RGS7: variants seen among roughly 807,000 people sequenced by gnomAD.
The protein encoded by RGS7 is regulator of G-protein signaling 7.
RGS7 carries 27 observed loss-of-function variants against 81.1 expected under a neutral mutation model. That is an observed-to-expected ratio of 0.33 (90% CI 0.25 to 0.46). The LOEUF (loss-of-function observed/expected upper bound fraction) is 0.46, where lower values mean the gene tolerates loss of function less well. Among genes scored for constraint, RGS7 ranks in the 20% least tolerant of loss-of-function variants. RGS7 has a pLI of 1.00. For missense variants in RGS7, 396 were observed against 607.4 expected (o/e 0.65, Z 3.66); for synonymous variants, 208 against 207.7 (o/e 1.00, Z -0.01).
intron 2 of RGS7, among the ~76,000 whole-genome samples, chr1:241,247,458 CG>C (rs2076603649): frequency 6.6e-6 from 1 of 152,036 alleles, no homozygotes; most frequent in South Asian, 2.1e-4. Context: ...AAGGTGGAGA[CG>C]AGAGACTGAG....
At chr1:240,788,594 A>T (rs914054623) in intron 18 of RGS7, among the ~76,000 whole-genome samples, 1 of 152,252 alleles carries the variant, frequency 6.6e-6, no homozygotes. Flanking sequence ...CTGTGTTATC[A>T]TGAGCACTCC....
intron 2 of RGS7, among the ~76,000 whole-genome samples, chr1:241,311,995 G>A (rs77403074): frequency 0.045 from 6,803 of 152,240 alleles, 350 homozygotes; most frequent in African/African-American, 0.13. Context: ...AATGACTTCA[G>A]ACATGAATTT....
chr1:241,190,803 C>T (rs192200225), intron 2 of RGS7, among the ~76,000 whole-genome samples: 2 of 152,088 alleles, frequency 1.3e-5, no homozygotes, highest in Admixed American at 1.3e-4. Flanking sequence ...ATGCCTTCCC[C>T]CAGCCCCATC....
At chr1:240,996,157 T>C (rs1173154480) in intron 3 of RGS7, among the ~76,000 whole-genome samples, 2 of 152,202 alleles carry the variant, frequency 1.3e-5, no homozygotes, top group African/African-American at 4.8e-5. Flanking sequence ...GAGAACATAC[T>C]TGGTATAATG....
At chr1:241,109,353 C>T (rs28645739) in intron 2 of RGS7, among the ~76,000 whole-genome samples, 52,806 of 151,982 alleles carry the variant, frequency 0.35, 14,641 homozygotes, top group African/African-American at 0.78. Context: ...ATCCCTCCCC[C>T]TACCTCTCTC....
intron 2 of RGS7, among the ~76,000 whole-genome samples, chr1:241,222,436 A>G (rs867744294): frequency 9.2e-5 from 14 of 152,320 alleles, no homozygotes; most frequent in Admixed American, 2.6e-4. Flanking sequence ...TTGAAGAACT[A>G]CTGTTATACA....
At chr1:240,893,708 A>G (rs1052683812) in intron 6 of RGS7, among the ~76,000 whole-genome samples, 1 of 152,188 alleles carries the variant, frequency 6.6e-6, no homozygotes, top group African/African-American at 2.4e-5. Flanking sequence ...AGGAAAAGGA[A>G]ACCCAGTTCT....
chr1:240,788,981 T>G (rs532296023), intron 18 of RGS7, among the ~76,000 whole-genome samples: 1 of 152,204 alleles, frequency 6.6e-6, no homozygotes, highest in African/African-American at 2.4e-5. Context: ...CTACTAAAAA[T>G]ACAAAAATTA....
chr1:241,299,718 T>C (rs1347157395), intron 2 of RGS7, among the ~76,000 whole-genome samples: 1 of 151,912 alleles, frequency 6.6e-6, no homozygotes, highest in African/African-American at 2.4e-5. Context: ...AACAACCTGG[T>C]ACGATTACAT....
At chr1:241,008,928 A>T (rs2058819481) in intron 3 of RGS7, among the ~76,000 whole-genome samples, 1 of 149,422 alleles carries the variant, frequency 6.7e-6, no homozygotes, top group Non-Finnish European at 1.5e-5. Flanking sequence ...AAAAAAAAAA[A>T]AAAAAAAAGA....
intron 2 of RGS7, among the ~76,000 whole-genome samples, chr1:241,313,600 T>C (rs1168896633): frequency 2.0e-5 from 3 of 152,226 alleles, no homozygotes; most frequent in Non-Finnish European, 2.9e-5. Context: ...CTGCAGCCCA[T>C]GGATCGAGGA....
chr1:240,821,979 T>C (rs1379893834), intron 10 of RGS7, among the ~76,000 whole-genome samples: 3 of 152,232 alleles, frequency 2.0e-5, no homozygotes, highest in Non-Finnish European at 1.5e-5. Context: ...GGATACAGCC[T>C]GTGGTGGTGA....
intron 2 of RGS7, among the ~76,000 whole-genome samples, chr1:241,210,462 A>G (rs990466474): frequency 6.6e-6 from 1 of 152,166 alleles, no homozygotes; most frequent in Non-Finnish European, 1.5e-5. Context: ...GAATGCAACC[A>G]TTTTTAAAGA....
intron 3 of RGS7, among the ~76,000 whole-genome samples, chr1:241,044,604 ATT>A (rs71735235): frequency 0.071 from 10,717 of 151,302 alleles, 575 homozygotes; most frequent in African/African-American, 0.14. Context: ...AAATTTATTT[ATT>A]TTTTTTGTAG....
intron 3 of RGS7, among the ~76,000 whole-genome samples, chr1:241,036,576 T>C (rs1476716970): frequency 1.3e-5 from 2 of 152,220 alleles, no homozygotes; most frequent in Non-Finnish European, 2.9e-5. Flanking sequence ...ATTCTAAAAA[T>C]ACCTTTGTCC....
At chr1:240,965,831 CA>C (rs1682199940) in intron 4 of RGS7, among the ~76,000 whole-genome samples, 1 of 152,094 alleles carries the variant, frequency 6.6e-6, no homozygotes, top group South Asian at 2.1e-4. Context: ...CGTCAGTGAC[CA>C]CAAATTTATT....
At chr1:240,828,902 A>G (rs1024248871) in intron 9 of RGS7, among the ~76,000 whole-genome samples, 2 of 152,230 alleles carry the variant, frequency 1.3e-5, no homozygotes, top group Non-Finnish European at 2.9e-5. Context: ...AAGTGACTCC[A>G]GAGAAACTGT....
At position 241,027,591 on chromosome 1, in the gene RGS7, T is replaced by G. The variant is rs116181197; in HGVS notation, c.176-44462A>C. 8.9e-3 allele frequency among the ~76,000 whole-genome samples: 1,338 copies of G among 150,852 alleles called. 15 individuals are homozygous for G. Among genetic ancestry groups the G allele is most frequent in the African/African-American group, 0.032 (1,286 of 40,650 alleles). On this transcript the variant is annotated intron_variant, in intron 3 of 18. Coordinates refer to ENST00000440928, the MANE Select transcript of RGS7 (RefSeq NM_001364886.1). ...TAGCCTAGCGTGATGAAAAGGGAGATGAGAATGAGCCTGGTTTTGAGATTC... is the reference window on the plus strand; with the variant it reads ...TAGCCTAGCGTGATGAAAAGGGAGAGGAGAATGAGCCTGGTTTTGAGATTC...
At chr1:240,842,119 G>T (rs903768236) in intron 9 of RGS7, among the ~76,000 whole-genome samples, 1 of 150,706 alleles carries the variant, frequency 6.6e-6, no homozygotes, top group Non-Finnish European at 1.5e-5. Context: ...ATTATTAGCA[G>T]TATAATTTGA....
Sources: allele counts gnomAD v4.1 joint callset (sites outside exome capture counted in the v4.1 genomes callset), GRCh38; gene constraint gnomAD v4.1.1; transcripts MANE v1.5; gene names NCBI Gene and HGNC (gene_info 2026-07-23, HGNC 2026-07-21).